Variants in C1QTNF8 observed in about 807,000 individuals in gnomAD.
The protein encoded by C1QTNF8 is complement C1q tumor necrosis factor-related protein 8.
In C1QTNF8, 27 loss-of-function variants were observed where a neutral mutation model predicts 19.2. The ratio of observed to expected loss-of-function variants is 1.41; its 90% CI spans 1.04 to 1.94. The LOEUF (loss-of-function observed/expected upper bound fraction) is 1.94. Among genes scored for constraint, C1QTNF8 ranks in the 30% most tolerant of loss-of-function variants. C1QTNF8 has a pLI of 0.00. For missense variants in C1QTNF8, 484 were observed against 374.4 expected, an observed-to-expected ratio of 1.29 and a Z score of -2.42; for synonymous variants, 208 against 172.8, an observed-to-expected ratio of 1.20 and a Z score of -1.60.
At chr16:1,092,607 A>AATCACTGCACACAGTCGGCGCTCAACC (rs1960574037) in intron 4 of C1QTNF8, among the ~76,000 whole-genome samples, 3 of 18,918 alleles carry the variant, frequency 1.6e-4, no homozygotes, top group Non-Finnish European at 2.8e-4. Context: ...GGCGCTCAAC[A>AATCACTGCACACAGTCGGCGCTCAACC]AATCACTGCA....
rs1268756889 is a variant in C1QTNF8 at position 1,090,067 on chromosome 16, A to G, written c.*532T>C. The G allele has an allele frequency of 6.6e-6, 1 of 152,370 alleles. No homozygotes were observed. Among genetic ancestry groups the G allele is most frequent in the East Asian group, 1.9e-4 (1 of 5,186 alleles). 9.4% of individuals were successfully genotyped at this position (152,370 alleles called of 1,614,324 possible). ...CAGCGCCAGTGCCCCTCCTGTCTCTAGCAGGGCCAGGGTTCACCAGCCACG... is the reference window on the plus strand; with the variant it reads ...CAGCGCCAGTGCCCCTCCTGTCTCTGGCAGGGCCAGGGTTCACCAGCCACG... On this transcript the variant is annotated 3_prime_UTR_variant, in exon 5 of 5. Coordinates refer to ENST00000328449, the MANE Select transcript of C1QTNF8 (RefSeq NM_207419.3).
At position 1,091,516 on chromosome 16, in the gene C1QTNF8, G is replaced by T. The variant is rs540695984; in HGVS notation, c.*5-922C>A. Among the ~76,000 whole-genome samples, 5 of 152,208 alleles carry T rather than the reference G, an allele frequency of 3.3e-5. No homozygotes were observed. In the South Asian group the frequency reaches 1.0e-3, roughly 32 times the overall value. ...GGGAGGGGCCACAGCTGCTCCAGCCGGGGAGGGTAACAGAGGCTTCCAGTG... is the reference window on the plus strand; with the variant it reads ...GGGAGGGGCCACAGCTGCTCCAGCCTGGGAGGGTAACAGAGGCTTCCAGTG... On this transcript the variant is annotated intron_variant, in intron 4 of 4. Coordinates refer to ENST00000328449, the MANE Select transcript of C1QTNF8 (RefSeq NM_207419.3).
Position 1,088,492 on chromosome 16 carries a change from G to A in C1QTNF8, c.*2107C>T, listed in dbSNP as rs933410742. The stretch of plus-strand genomic sequence containing the variant: ...GCACGAGGCTGTCGCTGCTTTTCGT[G>A]TCTCTGGCCTCTACCAAGCATCCCT... On this transcript the variant is annotated 3_prime_UTR_variant, in exon 5 of 5. Coordinates refer to ENST00000328449, the MANE Select transcript of C1QTNF8 (RefSeq NM_207419.3). Among the ~76,000 whole-genome samples, 1 of 152,220 alleles carries A rather than the reference G, an allele frequency of 6.6e-6. No individual in the cohort carries two copies. The highest frequency in any genetic ancestry group is 6.5e-5 in the Admixed American group (1 of 15,288).
rs1247150601 is a variant in C1QTNF8 at position 1,093,536 on chromosome 16, T to C, written c.724A>G (p.Ser242Gly). Reference sequence around the variant, plus strand: ...GCGGCCGGCTTGACCAGGTGGCCGCTGAAGGTGATGTAGAGGTCTCCGTGC... The same window carrying C: ...GCGGCCGGCTTGACCAGGTGGCCGCCGAAGGTGATGTAGAGGTCTCCGTGC... ...GEHGDLYITFSGHLVKPAAEL is the reference protein window; with the variant it reads ...GEHGDLYITFGGHLVKPAAEL Residue 242 changes from serine to glycine, a missense_variant, in exon 4 of 5, where the codon AGC becomes GGC. Coordinates refer to ENST00000328449, the MANE Select transcript of C1QTNF8 (RefSeq NM_207419.3). The C allele has an allele frequency of 2.6e-6, 4 of 1,563,284 alleles. No homozygotes were observed. The highest frequency in any genetic ancestry group is 3.6e-5 in the Admixed American group (2 of 55,294).
intron 4 of C1QTNF8, among the ~76,000 whole-genome samples, chr16:1,091,507 G>A (rs1960543483): frequency 6.6e-6 from 1 of 152,138 alleles, no homozygotes; most frequent in Admixed American, 6.5e-5. Flanking sequence ...GGCCACAGCT[G>A]CTCCAGCCGG....
intron 4 of C1QTNF8, among the ~76,000 whole-genome samples, chr16:1,092,114 C>T (rs11863482): frequency 0.12 from 18,633 of 152,234 alleles, 2,511 homozygotes; most frequent in African/African-American, 0.34. Flanking sequence ...CCTGGCTACG[C>T]CCACCGCACA....
At position 1,093,822 on chromosome 16, in the gene C1QTNF8, G is replaced by T. The variant is rs764937370; in HGVS notation, c.438C>A (p.Asp146Glu). 6.2e-7 allele frequency: 1 copy of T among 1,609,486 alleles called. No homozygotes were observed. The highest frequency in any genetic ancestry group is 2.2e-5 in the East Asian group (1 of 44,854). ...VPFDTELVNL[D>E]GAFDLAAGRF... Reference sequence around the variant, plus strand: ...GGCCCGCGGCCAGGTCGAAGGCGCCGTCCAGGTTCACCAGCTCCGTGTCGA... The same window carrying T: ...GGCCCGCGGCCAGGTCGAAGGCGCCTTCCAGGTTCACCAGCTCCGTGTCGA... Residue 146 changes from aspartate to glutamate, a missense_variant, in exon 4 of 5, where the codon GAC becomes GAA. Transcript: ENST00000328449.
intron 4 of C1QTNF8, among the ~76,000 whole-genome samples, chr16:1,092,670 A>T (rs28676859): frequency 0.017 from 499 of 29,290 alleles, no homozygotes; most frequent in African/African-American, 0.065. Flanking sequence ...AACCAATCAC[A>T]GCACACAGTC....
In C1QTNF8 at chr16:1,093,517, G is replaced by C. The variant is rs763691047; in HGVS notation, c.743C>G (p.Pro248Arg). 6 of 1,541,088 alleles carry C rather than the reference G, an allele frequency of 3.9e-6. No individual in the cohort carries two copies. Among genetic ancestry groups the C allele is most frequent in the Non-Finnish European group, 1.8e-6 (2 of 1,140,990 alleles). Residue 248 changes from proline to arginine, a missense_variant, in exon 4 of 5, where the codon CCG becomes CGG. Coordinates refer to ENST00000328449, the MANE Select transcript of C1QTNF8 (RefSeq NM_207419.3). ...CTCACCCGGCTACAGCTCGGCGGCCGGCTTGACCAGGTGGCCGCTGAAGGT... is the reference window on the plus strand; with the variant it reads ...CTCACCCGGCTACAGCTCGGCGGCCCGCTTGACCAGGTGGCCGCTGAAGGT... ...YITFSGHLVK[P>R]AAEL
Position 1,093,931 on chromosome 16 carries a change from G to T in C1QTNF8, c.329C>A (p.Ala110Asp), listed in dbSNP as rs758733428. The T allele has an allele frequency of 6.7e-7, 1 of 1,500,962 alleles. No individual in the cohort carries two copies. Among genetic ancestry groups the T allele is most frequent in the Non-Finnish European group, 8.8e-7 (1 of 1,136,134 alleles). The allele number at this position is 1,500,962 out of a possible 1,614,324, so 93.0% of individuals were successfully genotyped here. A position where few individuals can be genotyped will look rare whatever the true frequency, so the allele number is the denominator to read the frequency against. The change falls in exon 4 of 5, where the codon GCC becomes GAC. Residue 110 changes from alanine to aspartate, a missense_variant. By Grantham distance (126) the Ala-to-Asp change is moderately radical. Coordinates refer to ENST00000328449, the MANE Select transcript of C1QTNF8 (RefSeq NM_207419.3). ...GGCGGCGTAGGCACGTCGGCACGCG[G>T]CGCCCGGCGGCCCCACCTGCCCCTT... is the stretch of plus-strand genomic sequence containing the variant. ...GQKGQVGPPGAACRRAYAAFS... is the reference protein window; with the variant it reads ...GQKGQVGPPGDACRRAYAAFS...
chr16:1,093,094 C>T (rs1960588828), intron 4 of C1QTNF8, among the ~76,000 whole-genome samples: 1 of 143,878 alleles, frequency 7.0e-6, no homozygotes, highest in Non-Finnish European at 1.5e-5. Flanking sequence ...AATCACAGCA[C>T]ACAGTCGGCG....
chr16:1,093,420 C>A (rs1218624765), intron 4 of C1QTNF8, 77 bp downstream of exon 4: 12 of 1,004,774 alleles, frequency 1.2e-5, no homozygotes, highest in African/African-American at 8.9e-5. Flanking sequence ...ACACCCACAC[C>A]CACCCCCACA....
intron 3 of C1QTNF8, chr16:1,094,445 G>A: frequency 6.2e-6 from 3 of 481,740 alleles, no homozygotes; most frequent in Non-Finnish European, 1.1e-5. Context: ...CCTTCCCAAG[G>A]GGCTGCTACT....
chr16:1,094,952 G>A lies in C1QTNF8; in HGVS notation c.-11-19C>T, dbSNP rs1473705574. 3.6e-6 allele frequency: 4 copies of A among 1,125,650 alleles called. No individual in the cohort carries two copies. Among genetic ancestry groups the A allele is most frequent in the Non-Finnish European group, 4.6e-6 (4 of 865,748 alleles). The allele number at this position is 1,125,650 out of a possible 1,614,324, so 69.7% of individuals were successfully genotyped here. A position where few individuals can be genotyped will look rare whatever the true frequency, so the allele number is the denominator to read the frequency against. ...GCCAGGGCTGGGGGAGAGGAAAGAG[G>A]GGAGGGACTGAGAAGGAGGTGCCCC... On this transcript the variant is annotated intron_variant, in intron 2 of 4. Transcript: ENST00000328449.
intron 4 of C1QTNF8, among the ~76,000 whole-genome samples, chr16:1,092,456 CG>C (rs1960568750): frequency 1.3e-5 from 2 of 148,750 alleles, no homozygotes; most frequent in Non-Finnish European, 3.0e-5. Context: ...AGCACACAGT[CG>C]TCGCTCAACC....
At position 1,093,626 on chromosome 16, in the gene C1QTNF8, C is replaced by G. The variant is rs771668408; in HGVS notation, c.634G>C (p.Ala212Pro). 1.2e-6 allele frequency: 2 copies of G among 1,608,816 alleles called. No individual in the cohort carries two copies. The highest frequency in any genetic ancestry group is 4.5e-5 in the East Asian group (2 of 44,708). The change falls in exon 4 of 5, where the codon GCG becomes CCG. Residue 212 changes from alanine to proline, a missense_variant. Physicochemically the swap from Ala to Pro is conservative, Grantham distance 27. Transcript: ENST00000328449. ...CGCACCCAGACGGCGTCGCCCGCCG[C>G]CAGCAGCAGCATCAGGCTCTGGGCC... The part of the protein sequence containing the change: ...MQAQSLMLLL[A>P]AGDAVWVRMF...
intron 2 of C1QTNF8, among the ~76,000 whole-genome samples, chr16:1,095,145 A>G (rs936873807): frequency 2.6e-5 from 4 of 152,192 alleles, no homozygotes; most frequent in Non-Finnish European, 4.4e-5. Context: ...CACCCTGCAC[A>G]CCTGGAGTCG....
chr16:1,093,391 CA>C, intron 4 of C1QTNF8, 105 bp downstream of exon 4: 4 of 490,092 alleles, frequency 8.2e-6, no homozygotes, highest in East Asian at 8.5e-5. Flanking sequence ...CCACCACACC[CA>C]CACCCACCCA....
In C1QTNF8 at chr16:1,089,076, C is replaced by A. The variant is rs1319638665; in HGVS notation, c.*1523G>T. Among the ~76,000 whole-genome samples, 2 of 152,122 alleles carry A rather than the reference C, an allele frequency of 1.3e-5. No homozygotes were observed. Among genetic ancestry groups the A allele is most frequent in the Non-Finnish European group, 2.9e-5 (2 of 67,998 alleles). ...CACTGGAATCACAGAGGCTGGAGAC[C>A]CCAGGGCAGCCGGGCCAGGGCCAGG... On this transcript the variant is annotated 3_prime_UTR_variant, in exon 5 of 5. Transcript: ENST00000328449.
Sources: gnomAD v4.1 joint callset for allele counts (sites outside exome capture counted in the v4.1 genomes callset) on GRCh38, gnomAD v4.1.1 for gene constraint, MANE v1.5 for transcripts, NCBI Gene and HGNC (gene_info 2026-07-23, HGNC 2026-07-21) for gene names.